ASCC3: variants seen among roughly 807,000 people sequenced by gnomAD.
ASCC3 encodes the protein activating signal cointegrator 1 complex subunit 3, also known as ASC-1 complex subunit P200.
ASCC3 carries 158 observed loss-of-function variants against 256.3 expected under a neutral mutation model. The observed-to-expected ratio is 0.62, with a 90% CI of 0.54 to 0.70. The LOEUF (loss-of-function observed/expected upper bound fraction) is 0.70, where lower values mean the gene tolerates loss of function less well. ASCC3 is among the 30% of genes least tolerant of loss of function. The pLI, the probability that ASCC3 is intolerant of heterozygous loss-of-function variation, is 0.00. For missense variants in ASCC3, 2,259 were observed against 2,626.0 expected (o/e 0.86, Z 3.05); for synonymous variants, 948 against 883.4 (o/e 1.07, Z -1.30).
Position 100,625,901 on chromosome 6 carries a change from C to T in ASCC3, c.4643-567G>A, listed in dbSNP as rs80082882. ...ATAAATCAGAAGAAAGTTTTCCCTC[C>T]ATTTTTTTTTAAAAGCATATGTGTG... On this transcript the variant is annotated intron_variant, in intron 29 of 41. Transcript: ENST00000369162. Among the ~76,000 whole-genome samples the T allele has an allele frequency of 2.6e-4, 39 of 151,872 alleles. No individual in the cohort carries two copies. The East Asian group carries it at 7.4e-3, about 29-fold the overall frequency.
intron 36 of ASCC3, among the ~76,000 whole-genome samples, chr6:100,581,252 T>A (rs188753222): frequency 1.3e-5 from 2 of 152,328 alleles, no homozygotes; most frequent in East Asian, 3.9e-4. Flanking sequence ...TGTTGTTTCC[T>A]GACTTTTTAA....
At chr6:100,704,945 T>C (rs1437891368) in intron 13 of ASCC3, among the ~76,000 whole-genome samples, 2 of 152,060 alleles carry the variant, frequency 1.3e-5, no homozygotes, top group Non-Finnish European at 2.9e-5. Context: ...AAAATCTCAA[T>C]AGAGTTAAGG....
chr6:100,629,311 GAA>G, intron 26 of ASCC3, 130 bp from the exon 27 acceptor site: 1 of 855,312 alleles, frequency 1.2e-6, no homozygotes. Context: ...TTTGATTTTT[GAA>G]ATTTTCCAAG....
At chr6:100,650,839 ATAGAGT>A (rs1775633192) in intron 19 of ASCC3, 125 bp from the exon 20 acceptor site, 1 of 763,938 alleles carries the variant, frequency 1.3e-6, no homozygotes. Context: ...TTTTTCTTTC[ATAGAGT>A]TAAATAACAA....
chr6:100,842,656 A>T (rs1481722140), intron 4 of ASCC3, among the ~76,000 whole-genome samples: 2 of 152,090 alleles, frequency 1.3e-5, no homozygotes, highest in Non-Finnish European at 2.9e-5. Flanking sequence ...TAGTAATATG[A>T]TAGATTTAGT....
intron 37 of ASCC3, among the ~76,000 whole-genome samples, chr6:100,531,799 A>G (rs545237068): frequency 1.3e-5 from 2 of 152,246 alleles, no homozygotes; most frequent in Non-Finnish European, 2.9e-5. Flanking sequence ...TATTTAGAAA[A>G]TGCCCGCATA....
chr6:100,602,069 T>TA, intron 33 of ASCC3, 134 bp from the exon 34 acceptor site: 2 of 849,048 alleles, frequency 2.4e-6, no homozygotes, highest in East Asian at 2.9e-5. Context: ...CTTAAATATT[T>TA]AGTATATAAT....
chr6:100,793,757 GGTTAAGTAACT>G (rs1769466295), intron 8 of ASCC3, among the ~76,000 whole-genome samples: 1 of 150,268 alleles, frequency 6.7e-6, no homozygotes, highest in Non-Finnish European at 1.5e-5. Flanking sequence ...CTTGCCTAAA[GGTTAAGTAACT>G]TGCCTAAAGT....
intron 14 of ASCC3, among the ~76,000 whole-genome samples, chr6:100,677,496 G>T (rs778899358): frequency 1.6e-4 from 24 of 152,100 alleles, no homozygotes; most frequent in Non-Finnish European, 3.4e-4. Context: ...GAGATTCTCT[G>T]TGAAAATTAT....
chr6:100,540,431 T>C (rs1306290467), intron 36 of ASCC3, 44 bp from the exon 37 acceptor site: 3 of 1,464,038 alleles, frequency 2.0e-6, no homozygotes, highest in East Asian at 2.3e-5. Flanking sequence ...CAAAGTATAA[T>C]AATTAATGTA....
chr6:100,584,298 T>C (rs1245520125), intron 36 of ASCC3, among the ~76,000 whole-genome samples: 2 of 151,694 alleles, frequency 1.3e-5, no homozygotes, highest in African/African-American at 2.4e-5. Flanking sequence ...ATATTTAGGA[T>C]AGTTAGCTCT....
chr6:100,731,793 C>T (rs1779915171), intron 10 of ASCC3, among the ~76,000 whole-genome samples: 2 of 152,172 alleles, frequency 1.3e-5, no homozygotes, highest in Admixed American at 1.3e-4. Flanking sequence ...ATTTGACAGT[C>T]ACTACCTCTT....
At chr6:100,534,902 G>C (rs1349967293) in intron 37 of ASCC3, among the ~76,000 whole-genome samples, 1 of 152,186 alleles carries the variant, frequency 6.6e-6, no homozygotes, top group Non-Finnish European at 1.5e-5. Flanking sequence ...TAGTCTGGAT[G>C]ATGGTGCAAA....
intron 30 of ASCC3, among the ~76,000 whole-genome samples, chr6:100,621,539 T>TA (rs776624716): frequency 3.9e-5 from 6 of 152,254 alleles, no homozygotes; most frequent in Non-Finnish European, 7.4e-5. Context: ...CATAGTGAGG[T>TA]ACCATCTCAC....
intron 37 of ASCC3, among the ~76,000 whole-genome samples, chr6:100,539,519 T>C (rs373457191): frequency 1.3e-5 from 2 of 152,190 alleles, no homozygotes; most frequent in East Asian, 3.8e-4. Flanking sequence ...CTTTTTTTTA[T>C]TGTTTTAACC....
intron 10 of ASCC3, among the ~76,000 whole-genome samples, chr6:100,744,515 A>C (rs1444659545): frequency 6.6e-6 from 1 of 152,196 alleles, no homozygotes; most frequent in Non-Finnish European, 1.5e-5. Context: ...ATGATAAATT[A>C]TGAAATGACA....
At chr6:100,587,902 T>C (rs928147377) in intron 36 of ASCC3, among the ~76,000 whole-genome samples, 2 of 152,170 alleles carry the variant, frequency 1.3e-5, no homozygotes, top group Non-Finnish European at 2.9e-5. Context: ...TTTTTTTGGC[T>C]TTTTTAGTGG....
intron 34 of ASCC3, among the ~76,000 whole-genome samples, chr6:100,600,321 T>A (rs171257): frequency 0.073 from 11,152 of 152,042 alleles, 607 homozygotes; most frequent in African/African-American, 0.15. Context: ...GAACAAGTGA[T>A]TTAAAGCTTC....
At chr6:100,735,829 C>T (rs1169916440) in intron 10 of ASCC3, among the ~76,000 whole-genome samples, 2 of 152,198 alleles carry the variant, frequency 1.3e-5, no homozygotes, top group Admixed American at 6.5e-5. Flanking sequence ...AATAAAACTA[C>T]GTATAAAAAT....
Sources: allele counts gnomAD v4.1 joint callset (sites outside exome capture counted in the v4.1 genomes callset), GRCh38; gene constraint gnomAD v4.1.1; transcripts MANE v1.5; gene names NCBI Gene and HGNC (gene_info 2026-07-23, HGNC 2026-07-21).